ARHGAP15: variants seen among roughly 807,000 people sequenced by gnomAD.
The protein encoded by ARHGAP15 is Rho GTPase activating protein 15.
In ARHGAP15, 51 loss-of-function variants were observed where a neutral mutation model predicts 63.7. The observed-to-expected ratio is 0.80, with a 90% confidence interval of 0.64 to 1.01. The LOEUF is 1.01. Ranked by LOEUF, ARHGAP15 falls within the 50% of genes least tolerant of loss-of-function variation. The probability of loss-of-function intolerance (pLI) is 0.00; values close to 1 mark genes in which losing one functional copy is unlikely to be tolerated. For missense variants in ARHGAP15, 560 were observed against 564.6 expected (o/e 0.99, Z 0.08); for synonymous variants, 191 against 193.8 (o/e 0.99, Z 0.12).
At chr2:143,378,494 C>A (rs1214712353) in intron 6 of ARHGAP15, among the ~76,000 whole-genome samples, 2 of 152,030 alleles carry the variant, frequency 1.3e-5, no homozygotes, top group African/African-American at 4.8e-5. Flanking sequence ...TGAATTCTCT[C>A]TCTGATAACA....
intron 6 of ARHGAP15, among the ~76,000 whole-genome samples, chr2:143,390,069 C>T (rs942944966): frequency 4.5e-4 from 68 of 149,692 alleles, no homozygotes; most frequent in Middle Eastern, 3.5e-3. Flanking sequence ...TTAAAAGTAG[C>T]TTGTTGAAGA....
chr2:143,510,187 C>T (rs1000119470), intron 9 of ARHGAP15, among the ~76,000 whole-genome samples: 3 of 152,028 alleles, frequency 2.0e-5, no homozygotes, highest in Non-Finnish European at 4.4e-5. Flanking sequence ...GTTTGGAATA[C>T]GATTTTGTCT....
intron 2 of ARHGAP15, among the ~76,000 whole-genome samples, chr2:143,200,391 G>A (rs1218444186): frequency 6.8e-6 from 1 of 147,832 alleles, no homozygotes; most frequent in Non-Finnish European, 1.5e-5. Context: ...TTTTTTTTTG[G>A]TAGAACAATT....
intron 6 of ARHGAP15, among the ~76,000 whole-genome samples, chr2:143,327,418 A>C (rs192717916): frequency 2.2e-4 from 34 of 152,336 alleles, no homozygotes; most frequent in African/African-American, 7.7e-4. Context: ...TATGGAACCA[A>C]AAAAGAGCCT....
At chr2:143,342,989 T>A (rs1237274722) in intron 6 of ARHGAP15, among the ~76,000 whole-genome samples, 2 of 152,112 alleles carry the variant, frequency 1.3e-5, no homozygotes, top group East Asian at 3.8e-4. Flanking sequence ...ATTTTGCAAG[T>A]TGAGAATAAA....
At chr2:143,303,150 A>G (rs1429817770) in intron 6 of ARHGAP15, among the ~76,000 whole-genome samples, 6 of 152,242 alleles carry the variant, frequency 3.9e-5, no homozygotes, top group Non-Finnish European at 8.8e-5. Flanking sequence ...ACAAAAGCCA[A>G]AATTGACAAA....
chr2:143,582,220 T>A (rs1696934498), intron 11 of ARHGAP15, among the ~76,000 whole-genome samples: 1 of 152,068 alleles, frequency 6.6e-6, no homozygotes, highest in Admixed American at 6.6e-5. Context: ...CAAAAGGGTG[T>A]GTTTTTATTA....
chr2:143,172,744 C>A (rs1038308619), intron 2 of ARHGAP15, among the ~76,000 whole-genome samples: 4 of 151,986 alleles, frequency 2.6e-5, no homozygotes, highest in Admixed American at 2.6e-4. Flanking sequence ...TCAAGTGGGT[C>A]ATATTCGGTT....
chr2:143,199,751 C>T (rs1353792449), intron 2 of ARHGAP15, among the ~76,000 whole-genome samples: 3 of 152,046 alleles, frequency 2.0e-5, no homozygotes, highest in Non-Finnish European at 2.9e-5. Flanking sequence ...TTTTGGTGAA[C>T]GGCCATACCC....
chr2:143,188,707 G>C (rs1168181682), intron 2 of ARHGAP15, among the ~76,000 whole-genome samples: 1 of 151,264 alleles, frequency 6.6e-6, no homozygotes, highest in Non-Finnish European at 1.5e-5. Context: ...TGCAACCTCT[G>C]CCTCCCAGGT....
intron 12 of ARHGAP15, among the ~76,000 whole-genome samples, chr2:143,632,233 G>C (rs1213450948): frequency 6.6e-6 from 1 of 151,984 alleles, no homozygotes; most frequent in Non-Finnish European, 1.5e-5. Flanking sequence ...TGCAATCAAT[G>C]CTAACTCCGT....
chr2:143,370,527 T>C (rs147267794), intron 6 of ARHGAP15, among the ~76,000 whole-genome samples: 1 of 145,348 alleles, frequency 6.9e-6, no homozygotes, highest in East Asian at 2.0e-4. Context: ...TTGTATCAAG[T>C]CATACTGATT....
At chr2:143,192,361 T>C (rs532046454) in intron 2 of ARHGAP15, among the ~76,000 whole-genome samples, 18 of 152,320 alleles carry the variant, frequency 1.2e-4, no homozygotes, top group African/African-American at 3.4e-4. Flanking sequence ...TGCCTACACA[T>C]GGATAACCAT....
chr2:143,623,558 T>C (rs1698724915), intron 11 of ARHGAP15, among the ~76,000 whole-genome samples: 1 of 152,170 alleles, frequency 6.6e-6, no homozygotes, highest in Non-Finnish European at 1.5e-5. Context: ...TTTGAAGCAG[T>C]AAGAAAAGAA....
chr2:143,257,780 A>G, intron 6 of ARHGAP15, among the ~76,000 whole-genome samples: 1 of 152,196 alleles, frequency 6.6e-6, no homozygotes, highest in East Asian at 1.9e-4. Context: ...GACACGATGC[A>G]CTCCAACCTG....
intron 12 of ARHGAP15, among the ~76,000 whole-genome samples, chr2:143,691,221 G>A (rs1447162489): frequency 6.6e-6 from 1 of 152,188 alleles, no homozygotes; most frequent in East Asian, 1.9e-4. Context: ...TGGCTGGAAA[G>A]TTAGGTCTGC....
chr2:143,604,324 G>A (rs1370125137), intron 11 of ARHGAP15, among the ~76,000 whole-genome samples: 2 of 152,178 alleles, frequency 1.3e-5, no homozygotes, highest in South Asian at 2.1e-4. Context: ...GACTGGGATC[G>A]AATCACATGA....
intron 8 of ARHGAP15, among the ~76,000 whole-genome samples, chr2:143,472,357 C>T (rs755006060): frequency 9.2e-5 from 14 of 152,156 alleles, no homozygotes; most frequent in Non-Finnish European, 1.9e-4. Context: ...ACTACCAGTA[C>T]ATTTATTGCT....
At chr2:143,268,265 G>A (rs1330056513) in intron 6 of ARHGAP15, among the ~76,000 whole-genome samples, 1 of 151,624 alleles carries the variant, frequency 6.6e-6, no homozygotes, top group Non-Finnish European at 1.5e-5. Context: ...AAACAAAAAG[G>A]CCCTCAAACA....
Sources: gnomAD v4.1 joint callset for allele counts (sites outside exome capture counted in the v4.1 genomes callset) on GRCh38, gnomAD v4.1.1 for gene constraint, MANE v1.5 for transcripts, NCBI Gene and HGNC (gene_info 2026-07-23, HGNC 2026-07-21) for gene names.